SCTR: variants seen among roughly 807,000 people sequenced by gnomAD.
SCTR encodes secretin receptor, also known as pancreatic secretin receptor.
SCTR carries 56 observed loss-of-function variants against 60.8 expected under a neutral mutation model. The observed-to-expected ratio is 0.92, with a 90% CI of 0.74 to 1.15. SCTR has a LOEUF of 1.15. Ranked by LOEUF, SCTR falls within the 50% of genes most tolerant of loss-of-function variation. The pLI is 0.00. For synonymous variants in SCTR, 202 were observed against 217.0 expected, an observed-to-expected ratio of 0.93 and a Z score of 0.61; for missense variants, 562 against 550.4, an observed-to-expected ratio of 1.02 and a Z score of -0.21.
intron 7 of SCTR, among the ~76,000 whole-genome samples, chr2:119,457,952 A>G (rs1683438009): frequency 6.6e-6 from 1 of 152,184 alleles, no homozygotes; most frequent in Non-Finnish European, 1.5e-5. Flanking sequence ...CTTTTGTTTA[A>G]TTATTTAAAC....
chr2:119,514,868 C>A (rs1177477484), intron 1 of SCTR, among the ~76,000 whole-genome samples: 1 of 152,020 alleles, frequency 6.6e-6, no homozygotes, highest in Non-Finnish European at 1.5e-5. Flanking sequence ...CAGAGCTAGA[C>A]TCTGTCTCAA....
At chr2:119,495,844 G>A (rs972653096) in intron 1 of SCTR, among the ~76,000 whole-genome samples, 2 of 152,180 alleles carry the variant, frequency 1.3e-5, no homozygotes, top group Non-Finnish European at 2.9e-5. Context: ...GCCGGCTGTT[G>A]CAGAAACACC....
chr2:119,512,309 C>T (rs558561995), intron 1 of SCTR, among the ~76,000 whole-genome samples: 1 of 96,582 alleles, frequency 1.0e-5, no homozygotes, highest in East Asian at 7.8e-4. Context: ...TCTTCCTCTT[C>T]CCCTTCCCCT....
chr2:119,487,832 C>T (rs146737955), intron 2 of SCTR, among the ~76,000 whole-genome samples: 3 of 152,142 alleles, frequency 2.0e-5, no homozygotes, highest in Middle Eastern at 3.4e-3. Flanking sequence ...ACTGGTCTGG[C>T]GTTCAAACAT....
intron 11 of SCTR, among the ~76,000 whole-genome samples, chr2:119,443,949 A>C (rs7593521): frequency 0.23 from 34,300 of 152,002 alleles, 4,252 homozygotes; most frequent in South Asian, 0.35. Context: ...AAACTCTTTG[A>C]AGATGAAATA....
At chr2:119,457,612 C>A (rs1429768855) in intron 7 of SCTR, among the ~76,000 whole-genome samples, 1 of 152,132 alleles carries the variant, frequency 6.6e-6, no homozygotes, top group Non-Finnish European at 1.5e-5. Flanking sequence ...AGTTAGGAGG[C>A]TGAGCCAGGA....
At chr2:119,443,824 G>A (rs1410464896) in intron 11 of SCTR, among the ~76,000 whole-genome samples, 2 of 152,194 alleles carry the variant, frequency 1.3e-5, no homozygotes, top group African/African-American at 4.8e-5. Flanking sequence ...TAGGATTACA[G>A]GCGTGAGCCC....
At chr2:119,456,180 C>T (rs1683370816) in intron 7 of SCTR, among the ~76,000 whole-genome samples, 1 of 150,934 alleles carries the variant, frequency 6.6e-6, no homozygotes, top group South Asian at 2.1e-4. Flanking sequence ...TCTGTCTCAG[C>T]CTCTTGAATA....
chr2:119,485,482 A>G (rs749846121), intron 2 of SCTR, among the ~76,000 whole-genome samples: 2 of 152,212 alleles, frequency 1.3e-5, no homozygotes, highest in Non-Finnish European at 2.9e-5. Flanking sequence ...TTCACCTGGC[A>G]TGGAGCCTCT....
intron 7 of SCTR, among the ~76,000 whole-genome samples, chr2:119,459,022 T>C (rs1683495166): frequency 6.6e-6 from 1 of 152,194 alleles, no homozygotes; most frequent in African/African-American, 2.4e-5. Flanking sequence ...GTCAAAGCTT[T>C]GGGTAAGTGT....
intron 2 of SCTR, among the ~76,000 whole-genome samples, chr2:119,490,760 A>G (rs1258815994): frequency 6.6e-6 from 1 of 152,028 alleles, no homozygotes; most frequent in Non-Finnish European, 1.5e-5. Flanking sequence ...CCTTAGCCTT[A>G]ACCTTTTCTG....
intron 1 of SCTR, among the ~76,000 whole-genome samples, chr2:119,509,920 C>T (rs988605571): frequency 1.3e-5 from 2 of 152,108 alleles, no homozygotes; most frequent in African/African-American, 4.8e-5. Context: ...GGTTTCATTG[C>T]ACCTCGCTTG....
At chr2:119,494,856 G>T (rs990577883) in intron 1 of SCTR, among the ~76,000 whole-genome samples, 1 of 152,220 alleles carries the variant, frequency 6.6e-6, no homozygotes, top group Non-Finnish European at 1.5e-5. Flanking sequence ...TTCTACATCT[G>T]TGGGACTTAC....
rs200411191 is a variant in SCTR at position 119,453,385 on chromosome 2, G to A, written c.791-38C>T. 597 of 1,534,426 alleles carry A rather than the reference G, an allele frequency of 3.9e-4. 3 individuals are homozygous for A. Among genetic ancestry groups the A allele is most frequent in the Middle Eastern group, 8.4e-4 (5 of 5,928 alleles). ...AACAAAGGGAGGGGCAGAAGAGAGAGGACTCAATTTTCAACACACATATCA... is the reference window on the plus strand; with the variant it reads ...AACAAAGGGAGGGGCAGAAGAGAGAAGACTCAATTTTCAACACACATATCA... On this transcript the variant is annotated intron_variant, in intron 7 of 12. Coordinates refer to ENST00000019103, the MANE Select transcript of SCTR (RefSeq NM_002980.3).
intron 2 of SCTR, among the ~76,000 whole-genome samples, chr2:119,491,028 C>T (rs183659757): frequency 3.3e-5 from 5 of 152,290 alleles, no homozygotes; most frequent in East Asian, 1.9e-4. Context: ...TTCCCTGTCT[C>T]GGTTCCCAGT....
intron 12 of SCTR, 92 bp downstream of exon 12, chr2:119,441,466 C>T: frequency 9.7e-7 from 1 of 1,026,702 alleles, no homozygotes; most frequent in Non-Finnish European, 1.5e-6. Context: ...TTCCATCCCC[C>T]TTCCTACCAC....
intron 1 of SCTR, among the ~76,000 whole-genome samples, chr2:119,522,728 G>A (rs1371766894): frequency 6.6e-6 from 1 of 152,132 alleles, no homozygotes; most frequent in East Asian, 1.9e-4. Context: ...GAGGCTGGGA[G>A]GGTCCCAAGG....
chr2:119,498,038 C>T (rs1678414493), intron 1 of SCTR, among the ~76,000 whole-genome samples: 1 of 152,022 alleles, frequency 6.6e-6, no homozygotes, highest in African/African-American at 2.4e-5. Flanking sequence ...AGAACACAAA[C>T]CAGCCCTAAA....
chr2:119,507,838 C>G (rs1055076193), intron 1 of SCTR, among the ~76,000 whole-genome samples: 9 of 152,002 alleles, frequency 5.9e-5, no homozygotes, highest in Admixed American at 2.6e-4. Context: ...GCCACCACGC[C>G]CAACTAATTT....
Sources: gnomAD v4.1 joint callset for allele counts (sites outside exome capture counted in the v4.1 genomes callset) on GRCh38, gnomAD v4.1.1 for gene constraint, MANE v1.5 for transcripts, NCBI Gene and HGNC (gene_info 2026-07-23, HGNC 2026-07-21) for gene names.